Variants in ERG observed in about 807,000 individuals in gnomAD.
The protein encoded by ERG is ETS transcription factor ERG, also known as transcriptional regulator ERG.
ERG carries 9 observed loss-of-function variants against 55.3 expected under a neutral mutation model. That is an observed-to-expected ratio of 0.16 (90% CI 0.10 to 0.28). The LOEUF (loss-of-function observed/expected upper bound fraction) is 0.28, where lower values mean the gene tolerates loss of function less well. ERG is among the 10% of genes least tolerant of loss of function. ERG has a pLI of 1.00. For synonymous variants in ERG, 223 were observed against 237.3 expected (o/e 0.94, Z 0.55); for missense variants, 434 against 631.6 (o/e 0.69, Z 3.35).
At chr21:38,446,226 C>CAAAAAAA (rs71184626) in intron 1 of ERG, among the ~76,000 whole-genome samples, 5 of 63,608 alleles carry the variant, frequency 7.9e-5, no homozygotes, top group Admixed American at 2.0e-4. Context: ...ATAAATGAAC[C>CAAAAAAA]AAAAAAAAAA....
At chr21:38,446,616 TTTGGCATCCTCAGTA>T (rs1390295640) in intron 1 of ERG, among the ~76,000 whole-genome samples, 1 of 152,184 alleles carries the variant, frequency 6.6e-6, no homozygotes, top group Non-Finnish European at 1.5e-5. Context: ...ATATTAGTCC[TTTGGCATCCTCAGTA>T]TTGACATCAA....
At chr21:38,523,065 T>C (rs1344352956) in intron 2 of ERG, among the ~76,000 whole-genome samples, 4 of 152,196 alleles carry the variant, frequency 2.6e-5, no homozygotes, top group Non-Finnish European at 5.9e-5. Flanking sequence ...AAAGGAGGCA[T>C]TGTGTCTGGG....
chr21:38,446,224 A>G (rs2058890745), intron 1 of ERG, among the ~76,000 whole-genome samples: 1 of 98,202 alleles, frequency 1.0e-5, no homozygotes, highest in Non-Finnish European at 2.1e-5. Flanking sequence ...TGATAAATGA[A>G]CCAAAAAAAA....
chr21:38,395,115 G>A (rs1988149070), intron 6 of ERG, among the ~76,000 whole-genome samples: 1 of 152,158 alleles, frequency 6.6e-6, no homozygotes, highest in Admixed American at 6.5e-5. Flanking sequence ...TGATTCACAT[G>A]TTCATAAACA....
intron 2 of ERG, among the ~76,000 whole-genome samples, chr21:38,541,625 A>G (rs191267520): frequency 1.9e-3 from 297 of 152,382 alleles, no homozygotes; most frequent in African/African-American, 6.6e-3. Flanking sequence ...TGAGTGATTT[A>G]TGCTAAAATA....
At chr21:38,551,795 G>T (rs2059826061) in intron 2 of ERG, among the ~76,000 whole-genome samples, 1 of 152,116 alleles carries the variant, frequency 6.6e-6, no homozygotes, top group African/African-American at 2.4e-5. Flanking sequence ...CCACGTGTAG[G>T]TGAAAAGAAT....
At chr21:38,533,741 G>A (rs1463642332) in intron 2 of ERG, among the ~76,000 whole-genome samples, 1 of 152,120 alleles carries the variant, frequency 6.6e-6, no homozygotes, top group South Asian at 2.1e-4. Flanking sequence ...TTCATATCAT[G>A]CCGCAAAGGG....
At chr21:38,557,641 G>A (rs1216984451) in intron 2 of ERG, among the ~76,000 whole-genome samples, 1 of 151,980 alleles carries the variant, frequency 6.6e-6, no homozygotes, top group Non-Finnish European at 1.5e-5. Flanking sequence ...CTCTGAGAAC[G>A]TTAACCAATG....
intron 1 of ERG, among the ~76,000 whole-genome samples, chr21:38,584,132 C>T (rs2060047516): frequency 6.6e-6 from 1 of 152,194 alleles, no homozygotes; most frequent in African/African-American, 2.4e-5. Flanking sequence ...ACTATTCCTT[C>T]CACTGATCGA....
At chr21:38,558,965 G>C (rs1170625105) in intron 2 of ERG, among the ~76,000 whole-genome samples, 1 of 152,128 alleles carries the variant, frequency 6.6e-6, no homozygotes, top group Non-Finnish European at 1.5e-5. Flanking sequence ...AATATAAAGA[G>C]AACAATAGCA....
At chr21:38,621,532 C>A (rs1181587731) in intron 1 of ERG, among the ~76,000 whole-genome samples, 1 of 152,172 alleles carries the variant, frequency 6.6e-6, no homozygotes, top group Non-Finnish European at 1.5e-5. Flanking sequence ...ACAGGGACCT[C>A]CATTAGGCCC....
At chr21:38,372,229 G>C in the ERG span, among the ~76,000 whole-genome samples, 1,820 of 151,822 alleles carry the variant, frequency 0.012, 13 homozygotes, top group Middle Eastern at 0.042. Flanking sequence ...CTTTTTTAAA[G>C]TACTCTCACT....
chr21:38,415,486 T>A (rs1324050216), intron 3 of ERG, among the ~76,000 whole-genome samples: 3 of 152,226 alleles, frequency 2.0e-5, no homozygotes, highest in Non-Finnish European at 4.4e-5. Flanking sequence ...ATGTTAGCAT[T>A]TCTATTTTAG....
At chr21:38,575,853 CT>C in intron 1 of ERG, 1 of 845,728 alleles carries the variant, frequency 1.2e-6, no homozygotes, top group Non-Finnish European at 1.9e-6. Context: ...AGAATCATAG[CT>C]TTACATTAAA....
chr21:38,624,399 A>G (rs2060312256), intron 1 of ERG, among the ~76,000 whole-genome samples: 1 of 152,224 alleles, frequency 6.6e-6, no homozygotes, highest in Admixed American at 6.5e-5. Flanking sequence ...ACCATGGCAC[A>G]TGTATACCTA....
chr21:38,577,573 C>T (rs887404851), intron 1 of ERG, among the ~76,000 whole-genome samples: 1 of 152,048 alleles, frequency 6.6e-6, no homozygotes, highest in African/African-American at 2.4e-5. Context: ...CTGGTGCTCT[C>T]GTGGGAGAAG....
In ERG at chr21:38,380,148, C is replaced by G; in HGVS notation, c.*3255G>C. The G allele has an allele frequency of 9.6e-7, 1 of 1,040,682 alleles. No individual in the cohort carries two copies. Among genetic ancestry groups the G allele is most frequent in the Non-Finnish European group, 1.2e-6 (1 of 863,848 alleles). The allele number at this position is 1,040,682 out of a possible 1,614,324, so 64.5% of individuals were successfully genotyped here. On this transcript the variant is annotated 3_prime_UTR_variant, in exon 10 of 10. Transcript: ENST00000288319. Reference sequence around the variant, plus strand: ...AGCTTTTTAAAAAATATTTTCTTCTCTTTCTCCAGGCAATGGGTCACTTTG... The same window carrying G: ...AGCTTTTTAAAAAATATTTTCTTCTGTTTCTCCAGGCAATGGGTCACTTTG...
At chr21:38,404,394 C>T (rs556168844) in intron 3 of ERG, among the ~76,000 whole-genome samples, 12 of 152,210 alleles carry the variant, frequency 7.9e-5, no homozygotes, top group African/African-American at 2.2e-4. Context: ...CTGGCCATGG[C>T]GAGCACAAAC....
intron 1 of ERG, among the ~76,000 whole-genome samples, chr21:38,449,541 T>C (rs916528596): frequency 3.3e-5 from 5 of 152,132 alleles, no homozygotes; most frequent in African/African-American, 9.7e-5. Context: ...AACTCTAAAA[T>C]ATGCATCTAT....
Sources: gnomAD v4.1 joint callset for allele counts (sites outside exome capture counted in the v4.1 genomes callset) on GRCh38, gnomAD v4.1.1 for gene constraint, MANE v1.5 for transcripts, NCBI Gene and HGNC (gene_info 2026-07-23, HGNC 2026-07-21) for gene names.